The following IRF4 variants were observed in gnomAD, a reference collection of about 807,000 sequenced individuals.
IRF4 encodes interferon regulatory factor 4.
In IRF4, 13 loss-of-function variants were observed where a neutral mutation model predicts 55.5. That is an observed-to-expected ratio of 0.23 (90% CI 0.15 to 0.37). IRF4 has a LOEUF of 0.37. Among genes scored for constraint, IRF4 ranks in the 10% least tolerant of loss-of-function variants. IRF4 has a pLI of 1.00. For synonymous variants in IRF4, 249 were observed against 240.7 expected, an observed-to-expected ratio of 1.03 and a Z score of -0.32; for missense variants, 397 against 593.8, an observed-to-expected ratio of 0.67 and a Z score of 3.44.
chr6:393,671 G>A lies in IRF4; in HGVS notation c.216+303G>A, dbSNP rs1402890406. Reference sequence around the variant, plus strand: ...CTTGAGGGGTTTTGCGCGTTCGTCCGTGCGTTCTCGTTTCCACGCAAGCCT... The same window carrying A: ...CTTGAGGGGTTTTGCGCGTTCGTCCATGCGTTCTCGTTTCCACGCAAGCCT... On this transcript the variant is annotated intron_variant, in intron 2 of 8. Transcript: ENST00000380956. This position sits in a 1 kb window ranked among gnomAD's most constrained non-coding sequence, Gnocchi z 5.4. 1.3e-5 allele frequency among the ~76,000 whole-genome samples: 2 copies of A among 152,082 alleles called. No homozygotes were observed. The highest frequency in any genetic ancestry group is 6.5e-5 in the Admixed American group (1 of 15,270).
Position 410,855 on chromosome 6 carries a change from T to C in IRF4, c.*3257T>C. 1 of 232,580 alleles carries C rather than the reference T, an allele frequency of 4.3e-6. No homozygotes were observed. The highest frequency in any genetic ancestry group is 8.5e-6 in the Non-Finnish European group (1 of 117,476). The allele number at this position is 232,580 out of a possible 1,614,324, so 14.4% of individuals were successfully genotyped here. A position where few individuals can be genotyped will look rare whatever the true frequency, so the allele number is the denominator to read the frequency against. ...TCCTCTGTGGCCAGCTGCATCTGTCTGAATGGTGCGTGAAGGCTCTCAGAC... is the reference window on the plus strand; with the variant it reads ...TCCTCTGTGGCCAGCTGCATCTGTCCGAATGGTGCGTGAAGGCTCTCAGAC... On this transcript the variant is annotated 3_prime_UTR_variant, in exon 9 of 9. Transcript: ENST00000380956.
intron 4 of IRF4, 103 bp downstream of exon 4, chr6:396,038 G>T (rs146632238): frequency 1.2e-6 from 1 of 845,058 alleles, no homozygotes; most frequent in Middle Eastern, 2.3e-4. Context: ...CTTGCCATTT[G>T]CTATGGCTGC....
rs750619564 is a variant in IRF4 at position 398,946 on chromosome 6, G to T, written c.745+11G>T. The T allele has an allele frequency of 1.3e-6, 2 of 1,590,716 alleles. No homozygotes were observed. The highest frequency in any genetic ancestry group is 2.2e-5 in the South Asian group (2 of 89,372). ...CCTTGGCGTTCTCAGGTGAGTGCAG[G>T]GTTTGCTCCTGGAGGCACCGCAGGA... On this transcript the variant is annotated intron_variant, in intron 6 of 8. Transcript: ENST00000380956.
intron 2 of IRF4, 144 bp from the exon 3 acceptor site, chr6:394,677 C>G (rs1761207615): frequency 1.3e-6 from 1 of 762,864 alleles, no homozygotes; most frequent in Non-Finnish European, 2.1e-6. Context: ...GACCCTAGAA[C>G]TCAGGAGTTC....
Position 410,891 on chromosome 6 carries a change from A to G in IRF4, c.*3293A>G, listed in dbSNP as rs1008504435. ...TGAAGGCTCTCAGACCTTACACACC[A>G]TTTTGTAAGTTATGTTTTACATGCC... is the stretch of plus-strand genomic sequence containing the variant. On this transcript the variant is annotated 3_prime_UTR_variant, in exon 9 of 9. Coordinates refer to ENST00000380956, the MANE Select transcript of IRF4 (RefSeq NM_002460.4). 3 of 232,448 alleles carry G rather than the reference A, an allele frequency of 1.3e-5. No homozygotes were observed. The highest frequency in any genetic ancestry group is 6.6e-5 in the African/African-American group (3 of 45,286). The allele number at this position is 232,448 out of a possible 1,614,324, so 14.4% of individuals were successfully genotyped here.
chr6:402,470 G>A (rs1048622660), intron 7 of IRF4, among the ~76,000 whole-genome samples: 1 of 152,110 alleles, frequency 6.6e-6, no homozygotes, highest in Non-Finnish European at 1.5e-5. Flanking sequence ...CCCGCCACTC[G>A]CCACCCCACC....
intron 5 of IRF4, among the ~76,000 whole-genome samples, chr6:397,933 T>C (rs1761307522): frequency 6.6e-6 from 1 of 152,240 alleles, no homozygotes; most frequent in Non-Finnish European, 1.5e-5. Flanking sequence ...CTGAACCCTT[T>C]GGATGTTTTA....
At chr6:398,977 G>T (rs1175783324) in intron 6 of IRF4, 42 bp downstream of exon 6, 3 of 1,351,290 alleles carry the variant, frequency 2.2e-6, no homozygotes, top group Admixed American at 3.8e-5. Flanking sequence ...CAGGAGGCCA[G>T]CCTCTGCTGC....
intron 1 of IRF4, among the ~76,000 whole-genome samples, chr6:392,317 G>T (rs1761126200): frequency 6.6e-6 from 1 of 152,244 alleles, no homozygotes; most frequent in African/African-American, 2.4e-5. Flanking sequence ...GTCGCTCCGA[G>T]CCTTGCGTGC....
chr6:406,321 A>T (rs769746554), intron 8 of IRF4, among the ~76,000 whole-genome samples: 13 of 152,212 alleles, frequency 8.5e-5, no homozygotes, highest in Non-Finnish European at 1.6e-4. Flanking sequence ...AGGCGGGCAG[A>T]TCATGTGGTC....
intron 1 of IRF4, among the ~76,000 whole-genome samples, chr6:392,382 C>T (rs1013492511): frequency 1.3e-5 from 2 of 152,098 alleles, no homozygotes; most frequent in African/African-American, 4.8e-5. Flanking sequence ...CAGCTGTCGT[C>T]GCCCTCTCCC....
chr6:398,942 G>A lies in IRF4; in HGVS notation c.745+7G>A, dbSNP rs757639809. On this transcript the variant is annotated splice_region_variant and intron_variant, in intron 6 of 8. Coordinates refer to ENST00000380956, the MANE Select transcript of IRF4 (RefSeq NM_002460.4). Reference sequence around the variant, plus strand: ...GAAGCCTTGGCGTTCTCAGGTGAGTGCAGGGTTTGCTCCTGGAGGCACCGC... The same window carrying A: ...GAAGCCTTGGCGTTCTCAGGTGAGTACAGGGTTTGCTCCTGGAGGCACCGC... The A allele has an allele frequency of 6.3e-7, 1 of 1,595,318 alleles. No individual in the cohort carries two copies. Among genetic ancestry groups the A allele is most frequent in the Non-Finnish European group, 8.6e-7 (1 of 1,167,074 alleles).
Position 410,017 on chromosome 6 carries a change from C to G in IRF4, c.*2419C>G, listed in dbSNP as rs542742007. On this transcript the variant is annotated 3_prime_UTR_variant, in exon 9 of 9. Transcript: ENST00000380956. ...TTGACTTTTTAAAATTCTGAGTGAT[C>G]CAGGGTATGACCTAGGGAATGAACT... The G allele has an allele frequency of 8.8e-6, 2 of 228,358 alleles. No homozygotes were observed. Among genetic ancestry groups the G allele is most frequent in the East Asian group, 6.2e-5 (1 of 16,072 alleles). The allele number at this position is 228,358 out of a possible 1,614,324, so 14.1% of individuals were successfully genotyped here. A position where few individuals can be genotyped will look rare whatever the true frequency, so the allele number is the denominator to read the frequency against.
chr6:401,187 G>A (rs574617977), intron 6 of IRF4, among the ~76,000 whole-genome samples: 2 of 152,302 alleles, frequency 1.3e-5, no homozygotes, highest in Middle Eastern at 3.4e-3. Flanking sequence ...AGATTAAATG[G>A]GTTTCTTTCC....
Position 407,673 on chromosome 6 carries a change from C to T in IRF4, c.*75C>T. On this transcript the variant is annotated 3_prime_UTR_variant, in exon 9 of 9. Coordinates refer to ENST00000380956, the MANE Select transcript of IRF4 (RefSeq NM_002460.4). ...TGATACGGGGATACGGGGTCTTGCT[C>T]TGTCTCCCAGGCTGGAGTGCAGTGA... 1 of 1,348,586 alleles carries T rather than the reference C, an allele frequency of 7.4e-7. No individual in the cohort carries two copies. The highest frequency in any genetic ancestry group is 1.0e-6 in the Non-Finnish European group (1 of 995,360). The allele number at this position is 1,348,586 out of a possible 1,614,324, so 83.5% of individuals were successfully genotyped here. A position where few individuals can be genotyped will look rare whatever the true frequency, so the allele number is the denominator to read the frequency against.
At chr6:399,851 C>T (rs1761355215) in intron 6 of IRF4, among the ~76,000 whole-genome samples, 1 of 152,152 alleles carries the variant, frequency 6.6e-6, no homozygotes, top group African/African-American at 2.4e-5. Context: ...TTCTGAGGTG[C>T]TCGTGAGTAA....
intron 1 of IRF4, chr6:392,027 G>C (rs1252896488): frequency 5.7e-6 from 2 of 352,244 alleles, no homozygotes; most frequent in Non-Finnish European, 1.1e-5. Context: ...GGCTCTGCCC[G>C]AGCCTCCCCG....
intron 5 of IRF4, 96 bp from the exon 6 acceptor site, chr6:398,732 C>G: frequency 1.3e-6 from 1 of 795,902 alleles, no homozygotes; most frequent in Non-Finnish European, 2.0e-6. Context: ...GGCGCCAGCC[C>G]CTTCCTTCCC....
In IRF4 at chr6:401,705, T is replaced by G. The variant is rs2127440273; in HGVS notation, c.1027T>G (p.Cys343Gly). 1 of 1,614,234 alleles carries G rather than the reference T, an allele frequency of 6.2e-7. No homozygotes were observed. The highest frequency in any genetic ancestry group is 8.5e-7 in the Non-Finnish European group (1 of 1,180,052). The change falls in exon 7 of 9, where the codon TGC (cysteine) becomes GGC (glycine). Residue 343 changes from cysteine (C) to glycine (G), a missense_variant. Physicochemically the swap from Cys to Gly is radical, Grantham distance 159 (BLOSUM62 -3). This residue lies in a region of IRF4 where 341 missense variants were observed against 548.1 expected (regional missense o/e 0.62). Transcript: ENST00000380956. ...CTACTGGGACGGGCCCCTGGCGCTGTGCAACGACCGGCCCAACAAACTGGA... is the reference window on the plus strand; with the variant it reads ...CTACTGGGACGGGCCCCTGGCGCTGGGCAACGACCGGCCCAACAAACTGGA... ...RIYWDGPLAL[C>G]NDRPNKLERD...
Sources: gnomAD v4.1 joint callset for allele counts (sites outside exome capture counted in the v4.1 genomes callset) on GRCh38, gnomAD v4.1.1 for gene constraint, gnomAD v4.1.1 regional missense constraint, Gnocchi (gnomAD v3.1) non-coding constraint, MANE v1.5 for transcripts, NCBI Gene and HGNC (gene_info 2026-07-23, HGNC 2026-07-21) for gene names.